Variants in ALG13 observed in about 807,000 individuals in gnomAD.
The protein encoded by ALG13 is UDP-N-acetylglucosamine transferase subunit ALG13.
A neutral mutation model predicts 87.8 loss-of-function variants in ALG13; 11 were observed. The observed-to-expected ratio is 0.13, with a 90% confidence interval of 0.08 to 0.21. The LOEUF (loss-of-function observed/expected upper bound fraction) is 0.21. ALG13 is among the 10% of genes least tolerant of loss of function. The pLI is 1.00. For synonymous variants in ALG13, 320 were observed against 306.3 expected (o/e 1.04, Z -0.47); for missense variants, 756 against 866.1 (o/e 0.87, Z 1.60).
chrX:111,727,419 C>T lies in ALG13; in HGVS notation c.2064C>T (p.Ser688=). The change falls in exon 17 of 27, where the codon AGC becomes AGT. Residue 688 remains serine (S), a synonymous_variant. Transcript: ENST00000394780. ...GCCCAGGTAAAAGGTGCTGCCAGAG[C>T]TATGATAACTTCTCTTATAGATCTC... ...YPGPGKRCCQ[S]YDNFSYRSRS... 8.3e-7 allele frequency: 1 copy of T among 1,206,581 alleles called. No homozygotes were observed. The highest frequency in any genetic ancestry group is 1.1e-6 in the Non-Finnish European group (1 of 891,974).
intron 25 of ALG13, among the ~76,000 whole-genome samples, chrX:111,754,906 A>G (rs907898457): frequency 4.5e-5 from 5 of 112,294 alleles, no homozygotes; most frequent in African/African-American, 1.6e-4. Context: ...CCTTCACAGA[A>G]TTAGAAAAAA....
rs148327309 is a variant in ALG13, at chrX:111,696,019, T to C, written c.383+10916T>C. On this transcript the variant is annotated intron_variant, in intron 3 of 26. Coordinates refer to ENST00000394780, the MANE Select transcript of ALG13 (RefSeq NM_001099922.3). ...TCATGTTATTTGGTACTAAAAATAA[T>C]TGAAGTAAGTTATTTAGGGCTAATT... is the stretch of plus-strand genomic sequence containing the variant. Among the ~76,000 whole-genome samples, 727 of 111,898 alleles carry C rather than the reference T, an allele frequency of 6.5e-3. 7 individuals are homozygous for C. Among genetic ancestry groups the C allele is most frequent in the African/African-American group, 0.023 (699 of 30,844 alleles).
chrX:111,728,105 T>C (rs1224198952), intron 18 of ALG13, 80 bp from the exon 19 acceptor site: 31 of 1,157,411 alleles, frequency 2.7e-5, no homozygotes, highest in Non-Finnish European at 3.5e-6. Context: ...GTTTTTAAAC[T>C]GCCTTTTAAA....
intron 7 of ALG13, among the ~76,000 whole-genome samples, chrX:111,712,859 T>C (rs1201862738): frequency 2.7e-5 from 3 of 111,465 alleles, no homozygotes; most frequent in Non-Finnish European, 5.7e-5. Context: ...CTGCAAAAGC[T>C]GAAATGCCTA....
At chrX:111,753,646 C>T (rs1238530861) in intron 25 of ALG13, among the ~76,000 whole-genome samples, 1 of 111,826 alleles carries the variant, frequency 8.9e-6, no homozygotes, top group Non-Finnish European at 1.9e-5. Context: ...CTATAAACAC[C>T]TCTATGCAAA....
chrX:111,681,817 A>C, intron 1 of ALG13: 1 of 853,010 alleles, frequency 1.2e-6, no homozygotes, highest in Non-Finnish European at 1.4e-6. Flanking sequence ...CGGTTCTCGC[A>C]GTTGATCAAG....
intron 25 of ALG13, among the ~76,000 whole-genome samples, chrX:111,754,710 C>G (rs902907720): frequency 9.0e-6 from 1 of 111,474 alleles, no homozygotes; most frequent in African/African-American, 3.3e-5. Context: ...AGGAATCCAA[C>G]TTACAAGGGA....
chrX:111,737,715 A>G (rs991413694), intron 23 of ALG13, among the ~76,000 whole-genome samples: 5 of 112,486 alleles, frequency 4.4e-5, no homozygotes, highest in Non-Finnish European at 9.4e-5. Context: ...ATAAGAATTC[A>G]CTGAAAAGTA....
At chrX:111,701,112 G>GC (rs1937789682) in intron 3 of ALG13, among the ~76,000 whole-genome samples, 1 of 111,576 alleles carries the variant, frequency 9.0e-6, no homozygotes. Flanking sequence ...AATATAGCTT[G>GC]CTAGGGTTTT....
intron 19 of ALG13, 138 bp from the exon 20 acceptor site, chrX:111,730,257 C>T (rs1942528783): frequency 2.0e-6 from 1 of 505,417 alleles, no homozygotes; most frequent in Non-Finnish European, 3.4e-6. Context: ...GCTCATATCA[C>T]TTTTCAGGAT....
intron 3 of ALG13, among the ~76,000 whole-genome samples, chrX:111,690,560 G>C (rs1004941317): frequency 1.1e-4 from 12 of 111,522 alleles, no homozygotes; most frequent in Non-Finnish European, 1.9e-4. Context: ...TTATCTGCAA[G>C]TACCATCAAG....
At chrX:111,757,843 C>T in intron 26 of ALG13, 81 bp downstream of exon 26, 12 of 935,619 alleles carry the variant, frequency 1.3e-5, no homozygotes, top group Non-Finnish European at 1.8e-5. Context: ...TCATATATTT[C>T]ATCAGGTCCA....
chrX:111,744,968 T>A (rs990267047), intron 24 of ALG13, 64 bp downstream of exon 24: 3 of 956,983 alleles, frequency 3.1e-6, no homozygotes, highest in Admixed American at 2.4e-5. Context: ...AGAGCATATC[T>A]CTCTTTGGTT....
intron 22 of ALG13, among the ~76,000 whole-genome samples, chrX:111,736,081 G>A (rs994489021): frequency 9.0e-6 from 1 of 111,414 alleles, no homozygotes; most frequent in African/African-American, 3.3e-5. Context: ...AGGCGGGCAG[G>A]TTACTTGAGC....
chrX:111,746,722 T>C (rs1026788846), intron 24 of ALG13, among the ~76,000 whole-genome samples: 6 of 112,079 alleles, frequency 5.4e-5, no homozygotes, highest in Admixed American at 1.9e-4. Context: ...TGCTGGGTCA[T>C]AGAGAGATAT....
At chrX:111,755,320 A>G (rs1042811476) in intron 25 of ALG13, among the ~76,000 whole-genome samples, 2 of 112,561 alleles carry the variant, frequency 1.8e-5, no homozygotes, top group African/African-American at 6.5e-5. Context: ...CTAAAACCAT[A>G]AAAACCCTAG....
At chrX:111,690,847 T>C (rs1428703454) in intron 3 of ALG13, among the ~76,000 whole-genome samples, 1 of 111,524 alleles carries the variant, frequency 9.0e-6, no homozygotes, top group African/African-American at 3.3e-5. Context: ...GAGGAAGTTT[T>C]TCAAGACTAA....
rs906660402 is a variant in ALG13, at chrX:111,736,703, C to T, written c.2530-11C>T. On this transcript the variant is annotated splice_polypyrimidine_tract_variant and intron_variant, in intron 22 of 26. Transcript: ENST00000394780. Reference sequence around the variant, plus strand: ...AACTTAAGAGTTTTGAACTTTCTTCCACACTTACAGATGATGGGAAATATT... The same window carrying T: ...AACTTAAGAGTTTTGAACTTTCTTCTACACTTACAGATGATGGGAAATATT... 1 of 1,204,268 alleles carries T rather than the reference C, an allele frequency of 8.3e-7. No homozygotes were observed. The highest frequency in any genetic ancestry group is 1.7e-5 in the African/African-American group (1 of 57,476).
At chrX:111,686,957 ATTTTC>A (rs964205783) in intron 3 of ALG13, among the ~76,000 whole-genome samples, 78 of 111,936 alleles carry the variant, frequency 7.0e-4, no homozygotes, top group African/African-American at 2.5e-3. Context: ...GATTGGTTAT[ATTTTC>A]TTTTCTTTTT....
Sources: allele counts gnomAD v4.1 joint callset (sites outside exome capture counted in the v4.1 genomes callset), GRCh38; gene constraint gnomAD v4.1.1; transcripts MANE v1.5; gene names NCBI Gene and HGNC (gene_info 2026-07-23, HGNC 2026-07-21).